Variants in VWA3B observed in about 807,000 individuals in gnomAD.
VWA3B encodes von Willebrand factor A domain containing 3B.
Under a neutral mutation model 158.3 loss-of-function variants are expected in VWA3B, and 138 were observed. The ratio of observed to expected loss-of-function variants is 0.87; its 90% CI spans 0.76 to 1.00. The LOEUF (loss-of-function observed/expected upper bound fraction) is 1.00, where lower values mean the gene tolerates loss of function less well. Ranked by LOEUF, VWA3B falls within the 50% of genes least tolerant of loss-of-function variation. The pLI is 0.00. For missense variants in VWA3B, 1,555 were observed against 1,565.1 expected (o/e 0.99, Z 0.11); for synonymous variants, 596 against 587.3 (o/e 1.01, Z -0.21).
At chr2:98,171,987 C>T (rs1349059669) in intron 8 of VWA3B, among the ~76,000 whole-genome samples, 1 of 152,206 alleles carries the variant, frequency 6.6e-6, no homozygotes, top group African/African-American at 2.4e-5. Context: ...TGTGGGGTGC[C>T]AACCCCGTGC....
At chr2:98,170,076 G>T (rs773550295) in intron 8 of VWA3B, among the ~76,000 whole-genome samples, 1 of 152,136 alleles carries the variant, frequency 6.6e-6, no homozygotes, top group Non-Finnish European at 1.5e-5. Flanking sequence ...GCAGTGAGTG[G>T]TGATCGCACC....
chr2:98,231,888 G>A (rs567565161), intron 16 of VWA3B, among the ~76,000 whole-genome samples: 6 of 152,096 alleles, frequency 3.9e-5, no homozygotes, highest in African/African-American at 9.7e-5. Context: ...GCTGGATTCC[G>A]TTTGCTAGTA....
At chr2:98,245,667 G>A in intron 19 of VWA3B, 1 of 454,192 alleles carries the variant, frequency 2.2e-6, no homozygotes, top group Non-Finnish European at 4.4e-6. Context: ...TGATCATGAT[G>A]AAATGTTATA....
chr2:98,262,301 T>G (rs1236450284), intron 21 of VWA3B, among the ~76,000 whole-genome samples: 1 of 151,890 alleles, frequency 6.6e-6, no homozygotes, highest in Non-Finnish European at 1.5e-5. Context: ...TAGTCCCATT[T>G]GTCTATTTTT....
At chr2:98,104,333 G>A (rs1350354105) in intron 2 of VWA3B, among the ~76,000 whole-genome samples, 1 of 152,192 alleles carries the variant, frequency 6.6e-6, no homozygotes, top group Non-Finnish European at 1.5e-5. Flanking sequence ...TCTGGTGAGG[G>A]CCTCAGGAAG....
chr2:98,263,431 G>C (rs550719003), intron 21 of VWA3B, among the ~76,000 whole-genome samples: 1 of 151,752 alleles, frequency 6.6e-6, no homozygotes. Flanking sequence ...TTCCTAGTTT[G>C]CTGAGTGTTT....
At chr2:98,136,490 G>A (rs2105068048) in intron 7 of VWA3B, among the ~76,000 whole-genome samples, 1 of 152,138 alleles carries the variant, frequency 6.6e-6, no homozygotes, top group South Asian at 2.1e-4. Flanking sequence ...CAAGGCACTA[G>A]CCGATTTGGT....
chr2:98,292,645 T>C (rs903150145), intron 23 of VWA3B, among the ~76,000 whole-genome samples: 1 of 152,134 alleles, frequency 6.6e-6, no homozygotes, highest in African/African-American at 2.4e-5. Context: ...GAGAGTTTTA[T>C]GGCTAAACTA....
chr2:98,216,334 C>T (rs1683985172), intron 13 of VWA3B, among the ~76,000 whole-genome samples: 1 of 152,228 alleles, frequency 6.6e-6, no homozygotes, highest in African/African-American at 2.4e-5. Context: ...GCAGCTTTGG[C>T]TGCGGTCATT....
chr2:98,311,807 C>T lies in VWA3B; in HGVS notation c.3522-12C>T, dbSNP rs911938750. Reference sequence around the variant, plus strand: ...TCAAGGCAGGGTAACCCTGATCTCTCTCTGTCTCTAGAGAGGATGTGGAGG... The same window carrying T: ...TCAAGGCAGGGTAACCCTGATCTCTTTCTGTCTCTAGAGAGGATGTGGAGG... On this transcript the variant is annotated splice_polypyrimidine_tract_variant and intron_variant, in intron 26 of 27. Coordinates refer to ENST00000477737, the MANE Select transcript of VWA3B (RefSeq NM_144992.5). 1 of 1,584,916 alleles carries T rather than the reference C, an allele frequency of 6.3e-7. No individual in the cohort carries two copies. The highest frequency in any genetic ancestry group is 1.3e-5 in the African/African-American group (1 of 74,210).
intron 12 of VWA3B, 74 bp from the exon 13 acceptor site, chr2:98,211,856 G>T: frequency 7.7e-7 from 1 of 1,303,092 alleles, no homozygotes; most frequent in Non-Finnish European, 1.1e-6. Context: ...TTTTTTGGAA[G>T]CAGAAAATAA....
intron 6 of VWA3B, among the ~76,000 whole-genome samples, chr2:98,130,319 T>G (rs1387473409): frequency 1.3e-5 from 2 of 152,070 alleles, no homozygotes; most frequent in African/African-American, 4.8e-5. Context: ...GACATTCCAT[T>G]GCCCAGGGAC....
chr2:98,090,870 T>G (rs1362803630), intron 1 of VWA3B, among the ~76,000 whole-genome samples: 3 of 151,404 alleles, frequency 2.0e-5, no homozygotes, highest in Non-Finnish European at 4.4e-5. Context: ...ATCCTCCTGC[T>G]GCAGCCTCTC....
chr2:98,308,784 A>G (rs62155317), intron 26 of VWA3B, among the ~76,000 whole-genome samples: 19,224 of 152,206 alleles, frequency 0.13, 1,807 homozygotes, highest in Non-Finnish European at 0.19. Flanking sequence ...GGTGCCACTT[A>G]ACTAGCTAGA....
Position 98,093,297 on chromosome 2 carries a change from C to T in VWA3B, c.196+9C>T, listed in dbSNP as rs756984744. 6.2e-7 allele frequency: 1 copy of T among 1,612,142 alleles called. No individual in the cohort carries two copies. The highest frequency in any genetic ancestry group is 1.1e-5 in the South Asian group (1 of 90,978). On this transcript the variant is annotated intron_variant, in intron 2 of 27. Coordinates refer to ENST00000477737, the MANE Select transcript of VWA3B (RefSeq NM_144992.5). ...ATTCCCACATTGTGAAGGTACAGTA[C>T]TCACAAACAACCAGCATGCTGCCAT...
intron 25 of VWA3B, 71 bp downstream of exon 25, chr2:98,300,287 C>A: frequency 6.3e-7 from 1 of 1,586,344 alleles, no homozygotes; most frequent in Non-Finnish European, 8.6e-7. Context: ...CACTGCCAGG[C>A]TTCTTGATGA....
At position 98,312,689 on chromosome 2, in the gene VWA3B, G is replaced by A. The variant is rs1690985862; in HGVS notation, c.*340G>A. On this transcript the variant is annotated 3_prime_UTR_variant, in exon 28 of 28. Coordinates refer to ENST00000477737, the MANE Select transcript of VWA3B (RefSeq NM_144992.5). ...TTCAAATTGTTTAGCAGTCAGCATA[G>A]TCAGGATCCAAGCCCGCAATCTTGT... 4.2e-6 allele frequency: 1 copy of A among 235,408 alleles called. No homozygotes were observed. The highest frequency in any genetic ancestry group is 8.2e-6 in the Non-Finnish European group (1 of 121,224). 14.6% of individuals were successfully genotyped at this position (235,408 alleles called of 1,614,324 possible). A position where few individuals can be genotyped will look rare whatever the true frequency, so the allele number is the denominator to read the frequency against.
intron 21 of VWA3B, among the ~76,000 whole-genome samples, chr2:98,261,150 G>A (rs545952258): frequency 7.3e-5 from 11 of 151,708 alleles, no homozygotes; most frequent in South Asian, 6.2e-4. Flanking sequence ...CTAATGGGTC[G>A]TTGTGATCGC....
rs549440036 is a variant in VWA3B at position 98,148,126 on chromosome 2, T to C, written c.988+14187T>C. 8.5e-5 allele frequency among the ~76,000 whole-genome samples: 13 copies of C among 152,342 alleles called. No homozygotes were observed. The South Asian group carries it at 2.7e-3, about 32-fold the overall frequency. ...CCTGTAGTTTAGATTTTTTAAAACA[T>C]AAATTTCTGATAGTGAAAATACTGA... On this transcript the variant is annotated intron_variant, in intron 7 of 27. Coordinates refer to ENST00000477737, the MANE Select transcript of VWA3B (RefSeq NM_144992.5).
Sources: gnomAD v4.1 joint callset for allele counts (sites outside exome capture counted in the v4.1 genomes callset) on GRCh38, gnomAD v4.1.1 for gene constraint, MANE v1.5 for transcripts, NCBI Gene and HGNC (gene_info 2026-07-23, HGNC 2026-07-21) for gene names.